The following FAM184B variants were observed in gnomAD, a reference collection of about 807,000 sequenced individuals.
FAM184B encodes protein FAM184B.
In FAM184B, 111 loss-of-function variants were observed where a neutral mutation model predicts 135.9. That is an observed-to-expected ratio of 0.82 (90% CI 0.70 to 0.96). FAM184B has a LOEUF of 0.96. FAM184B is among the 40% of genes least tolerant of loss of function. FAM184B has a pLI of 0.00. For synonymous variants in FAM184B, 552 were observed against 524.8 expected, an observed-to-expected ratio of 1.05 and a Z score of -0.71; for missense variants, 1,375 against 1,323.9, an observed-to-expected ratio of 1.04 and a Z score of -0.60.
Position 17,750,480 on chromosome 4 carries a change from G to A in FAM184B, c.141+30679C>T, listed in dbSNP as rs185280618. 1.6e-3 allele frequency among the ~76,000 whole-genome samples: 248 copies of A among 152,258 alleles called. 1 individual carries two copies. The highest frequency in any genetic ancestry group is 2.9e-3 in the Non-Finnish European group (196 of 68,022). On this transcript the variant is annotated intron_variant, in intron 1 of 17. Transcript: ENST00000265018. ...TCATATTGTTGTATTTTAATGCAGG[G>A]TTTCACTCTCAGTGACGCTGGCATT...
chr4:17,688,402 A>C, intron 7 of FAM184B, 22 bp downstream of exon 7: 1 of 1,517,118 alleles, frequency 6.6e-7, no homozygotes, highest in Non-Finnish European at 8.9e-7. Context: ...CTTTAATTAA[A>C]TCTGACAAAG....
At chr4:17,726,895 G>A (rs1717654377) in intron 1 of FAM184B, among the ~76,000 whole-genome samples, 1 of 152,192 alleles carries the variant, frequency 6.6e-6, no homozygotes, top group Non-Finnish European at 1.5e-5. Context: ...TGGACCTAAT[G>A]CTGATGGATC....
rs1319404076 is a variant in FAM184B, at chr4:17,659,987, G to T, written c.1795C>A (p.Gln599Lys). The T allele has an allele frequency of 1.7e-5, 27 of 1,551,184 alleles. No individual in the cohort carries two copies. The highest frequency in any genetic ancestry group is 1.3e-4 in the South Asian group (11 of 84,040). Residue 599 changes from glutamine to lysine, a missense_variant, in exon 9 of 18, where the codon CAA (glutamine) becomes AAA (lysine). Gln to Lys is a moderately conservative substitution (Grantham distance 53, BLOSUM62 1). Transcript: ENST00000265018. ...GCTTGCAATTTGGCCTTCTGGCTTT[G>T]CCAGTCCTCCTCTAGACGCTGGATT... Reference protein sequence around the residue: ...SKIQRLEEDWQSQKAKLQAQV... With the variant: ...SKIQRLEEDWKSQKAKLQAQV...
At chr4:17,649,223 A>G (rs1715542566) in intron 11 of FAM184B, among the ~76,000 whole-genome samples, 1 of 152,220 alleles carries the variant, frequency 6.6e-6, no homozygotes, top group African/African-American at 2.4e-5. Context: ...CTATAAGCTT[A>G]CTAACCTTCC....
At chr4:17,745,997 C>T (rs1166792222) in intron 1 of FAM184B, among the ~76,000 whole-genome samples, 1 of 152,120 alleles carries the variant, frequency 6.6e-6, no homozygotes, top group Non-Finnish European at 1.5e-5. Context: ...CTCACTCTGT[C>T]GCCCAGACTG....
chr4:17,644,686 G>A (rs1487516765), intron 12 of FAM184B, among the ~76,000 whole-genome samples: 1 of 152,184 alleles, frequency 6.6e-6, no homozygotes, highest in Non-Finnish European at 1.5e-5. Flanking sequence ...ACAAGATAGG[G>A]ATGCCCTCTC....
At chr4:17,640,927 TTTTGTTTTG>T (rs1274878762) in intron 13 of FAM184B, among the ~76,000 whole-genome samples, 2 of 151,892 alleles carry the variant, frequency 1.3e-5, no homozygotes, top group African/African-American at 2.4e-5. Context: ...AGGCCAGGTT[TTTTGTTTTG>T]TTTGTTTTGT....
At position 17,690,882 on chromosome 4, in the gene FAM184B, C is replaced by T. The variant is rs555710083; in HGVS notation, c.1489-2351G>A. On this transcript the variant is annotated intron_variant, in intron 6 of 17. Transcript: ENST00000265018. ...GTGTGATGATAGGGCAGGATTGTGA[C>T]TAGGGGTGAGGATGGGAGAGCTGGG... 8.5e-4 allele frequency among the ~76,000 whole-genome samples: 129 copies of T among 152,170 alleles called. 1 individual carries two copies. The highest frequency in any genetic ancestry group is 2.8e-3 in the African/African-American group (118 of 41,522).
At chr4:17,639,170 C>T in intron 14 of FAM184B, 80 bp downstream of exon 14, 1 of 1,388,890 alleles carries the variant, frequency 7.2e-7, no homozygotes, top group Non-Finnish European at 9.9e-7. Context: ...CAGGAAATCC[C>T]AGGGTCATTG....
rs149197307 is a variant in FAM184B, at chr4:17,695,320, GC to G, written c.1378-1909del. The stretch of plus-strand genomic sequence containing the variant: ...TGAGACTACAGGTGCATGCCACCAT[GC>G]CCAGCTAATTTAAAAAAAAATTTTT... On this transcript the variant is annotated intron_variant, in intron 5 of 17. Coordinates refer to ENST00000265018, the MANE Select transcript of FAM184B (RefSeq NM_015688.2). Among the ~76,000 whole-genome samples the G allele has an allele frequency of 3.7e-3, 556 of 152,106 alleles. 8 individuals are homozygous for G. In the East Asian group the frequency reaches 0.062, roughly 17 times the overall value.
chr4:17,685,834 T>C (rs927880423), intron 7 of FAM184B, among the ~76,000 whole-genome samples: 1 of 152,052 alleles, frequency 6.6e-6, no homozygotes, highest in Admixed American at 6.6e-5. Context: ...AACCCCAGAG[T>C]CAAGTGCTGA....
chr4:17,742,120 A>G (rs949593107), intron 1 of FAM184B, among the ~76,000 whole-genome samples: 113 of 139,288 alleles, frequency 8.1e-4, no homozygotes, highest in African/African-American at 2.8e-3. Flanking sequence ...TAAAATATAC[A>G]TATACATATA....
intron 1 of FAM184B, among the ~76,000 whole-genome samples, chr4:17,778,487 A>C (rs1333157427): frequency 6.6e-6 from 1 of 152,236 alleles, no homozygotes; most frequent in Non-Finnish European, 1.5e-5. Context: ...TAGATTCAAG[A>C]AAAAGAAATA....
intron 1 of FAM184B, among the ~76,000 whole-genome samples, chr4:17,748,925 C>G (rs1308665964): frequency 6.6e-6 from 1 of 151,642 alleles, no homozygotes; most frequent in Non-Finnish European, 1.5e-5. Context: ...CTCCTGGGCT[C>G]AAGTGATTTT....
chr4:17,688,417 A>C lies in FAM184B; in HGVS notation c.1596+7T>G. On this transcript the variant is annotated splice_region_variant and intron_variant, in intron 7 of 17. Transcript: ENST00000265018. ...CTTTAATTAAATCTGACAAAGCTGG[A>C]GGTTACCTGGGTCTCCAGAATGCTG... 1 of 1,542,150 alleles carries C rather than the reference A, an allele frequency of 6.5e-7. No individual in the cohort carries two copies. The highest frequency in any genetic ancestry group is 8.8e-7 in the Non-Finnish European group (1 of 1,141,166).
At chr4:17,688,631 T>C (rs1716649037) in intron 6 of FAM184B, 100 bp from the exon 7 acceptor site, 1 of 706,800 alleles carries the variant, frequency 1.4e-6, no homozygotes, top group Non-Finnish European at 2.2e-6. Flanking sequence ...CAGTCTGTTC[T>C]GGGGAGAGTG....
At chr4:17,718,838 G>A (rs1359511221) in intron 1 of FAM184B, among the ~76,000 whole-genome samples, 2 of 152,204 alleles carry the variant, frequency 1.3e-5, no homozygotes, top group Admixed American at 6.5e-5. Flanking sequence ...AACTGAGCAG[G>A]AAATAACTCA....
chr4:17,649,061 A>G (rs760557383), intron 11 of FAM184B, among the ~76,000 whole-genome samples: 1 of 152,248 alleles, frequency 6.6e-6, no homozygotes, highest in Admixed American at 6.5e-5. Context: ...TATTGAAAAT[A>G]ACCTTTGAAA....
intron 7 of FAM184B, among the ~76,000 whole-genome samples, chr4:17,682,609 G>A (rs571894225): frequency 2.0e-5 from 3 of 152,094 alleles, no homozygotes; most frequent in African/African-American, 4.8e-5. Flanking sequence ...AGCGGTTCTC[G>A]TGCCTCAGTC....
Sources: allele counts gnomAD v4.1 joint callset (sites outside exome capture counted in the v4.1 genomes callset), GRCh38; gene constraint gnomAD v4.1.1; transcripts MANE v1.5; gene names NCBI Gene and HGNC (gene_info 2026-07-23, HGNC 2026-07-21).